Variants in IMPG1 observed in about 807,000 individuals in gnomAD.
IMPG1 encodes the protein interphotoreceptor matrix proteoglycan of 150 kDa.
A neutral mutation model predicts 92.0 loss-of-function variants in IMPG1; 85 were observed. The ratio of observed to expected loss-of-function variants is 0.92; its 90% CI spans 0.78 to 1.11. IMPG1 has a LOEUF of 1.11. Ranked by LOEUF, IMPG1 falls within the 50% of genes least tolerant of loss-of-function variation. The pLI, the probability that IMPG1 is intolerant of heterozygous loss-of-function variation, is 0.00. For synonymous variants in IMPG1, 367 were observed against 334.1 expected (o/e 1.10, Z -1.08); for missense variants, 1,022 against 956.0 (o/e 1.07, Z -0.91).
intron 14 of IMPG1, among the ~76,000 whole-genome samples, chr6:75,938,037 C>A (rs1781777051): frequency 6.6e-6 from 1 of 152,246 alleles, no homozygotes; most frequent in Non-Finnish European, 1.5e-5. Flanking sequence ...CAAGCTGTGA[C>A]TTACTCGGTT....
chr6:75,926,728 CA>C (rs60208319), intron 15 of IMPG1, among the ~76,000 whole-genome samples: 1 of 151,586 alleles, frequency 6.6e-6, no homozygotes, highest in Non-Finnish European at 1.5e-5. Context: ...CTGATTACAC[CA>C]AAAAAAGGAA....
In IMPG1 at chr6:75,950,538, G is replaced by A. The variant is rs368673168; in HGVS notation, c.1824+24C>T. ...AAAGAAAGAAGAGACAAAGAATTGG[G>A]AATTGTGAGCAGTGCCCACTCACCA... On this transcript the variant is annotated intron_variant, in intron 13 of 16. Transcript: ENST00000369950. The A allele has an allele frequency of 4.3e-5, 67 of 1,541,398 alleles. No individual in the cohort carries two copies. In the African/African-American group the frequency reaches 9.0e-4, roughly 21 times the overall value.
intron 7 of IMPG1, among the ~76,000 whole-genome samples, chr6:76,012,277 C>T: frequency 6.6e-6 from 1 of 152,166 alleles, no homozygotes; most frequent in Non-Finnish European, 1.5e-5. Flanking sequence ...ACTGTCTCTC[C>T]AGCTCTCTCT....
rs1395520328 is a variant in IMPG1, at chr6:76,002,989, G to A, written c.1220C>T (p.Thr407Ile). 3 of 1,612,526 alleles carry A rather than the reference G, an allele frequency of 1.9e-6. No individual in the cohort carries two copies. The Admixed American group carries it at 5.0e-5, about 27-fold the overall frequency. ...TSFAVITEDA[T>I]LSPELPPVEP... ...AACAGGAGGAAGTTCTGGACTCAAAGTAGCATCCTGAAGAATGAATTTTGC... is the reference window on the plus strand; with the variant it reads ...AACAGGAGGAAGTTCTGGACTCAAAATAGCATCCTGAAGAATGAATTTTGC... The change falls in exon 12 of 17, where the codon ACT becomes ATT. Residue 407 changes from threonine to isoleucine, a missense_variant. Around this residue, in one of 3 missense-constraint regions of IMPG1, gnomAD observed 681 missense variants for 583.6 expected, o/e 1.17. Coordinates refer to ENST00000369950, the MANE Select transcript of IMPG1 (RefSeq NM_001563.4).
intron 1 of IMPG1, among the ~76,000 whole-genome samples, chr6:76,046,351 G>A (rs1313617918): frequency 6.6e-6 from 1 of 151,948 alleles, no homozygotes; most frequent in Non-Finnish European, 1.5e-5. Context: ...TAAACACTAG[G>A]AAAACAACCT....
At chr6:75,969,755 C>T (rs1238210552) in intron 12 of IMPG1, among the ~76,000 whole-genome samples, 1 of 151,944 alleles carries the variant, frequency 6.6e-6, no homozygotes, top group Non-Finnish European at 1.5e-5. Context: ...AACAAACAAA[C>T]AAACAAACAG....
At chr6:76,055,993 T>A (rs1784114244) in intron 1 of IMPG1, among the ~76,000 whole-genome samples, 1 of 152,072 alleles carries the variant, frequency 6.6e-6, no homozygotes, top group Non-Finnish European at 1.5e-5. Flanking sequence ...TGTAATTCCA[T>A]TTTCCTACGA....
At chr6:75,934,403 C>T (rs569313687) in intron 14 of IMPG1, among the ~76,000 whole-genome samples, 2 of 152,304 alleles carry the variant, frequency 1.3e-5, no homozygotes, top group African/African-American at 4.8e-5. Flanking sequence ...GTATCAGTTT[C>T]TTCCCTGGAT....
At chr6:75,998,347 T>C (rs1261408207) in intron 12 of IMPG1, among the ~76,000 whole-genome samples, 2 of 152,242 alleles carry the variant, frequency 1.3e-5, no homozygotes. Flanking sequence ...GACAGACGGC[T>C]GTCCCTGACC....
chr6:75,963,310 T>C (rs1283888558), intron 12 of IMPG1, among the ~76,000 whole-genome samples: 2 of 152,058 alleles, frequency 1.3e-5, no homozygotes, highest in Admixed American at 6.6e-5. Context: ...GAAAAATAAA[T>C]GTCAGACAAA....
At chr6:76,027,325 A>G (rs1339159388) in intron 4 of IMPG1, among the ~76,000 whole-genome samples, 2 of 152,198 alleles carry the variant, frequency 1.3e-5, no homozygotes, top group Non-Finnish European at 2.9e-5. Context: ...GACATATGAA[A>G]TTAATTACAC....
intron 9 of IMPG1, among the ~76,000 whole-genome samples, chr6:76,006,378 A>G (rs1783097587): frequency 6.7e-6 from 1 of 148,346 alleles, no homozygotes; most frequent in Admixed American, 6.8e-5. Flanking sequence ...ATACACATAT[A>G]TGTAAAATAT....
intron 12 of IMPG1, among the ~76,000 whole-genome samples, chr6:75,974,343 C>CTT (rs1230594770): frequency 1.2e-5 from 1 of 86,166 alleles, no homozygotes; most frequent in African/African-American, 5.0e-5. Context: ...TTCTTTCTTT[C>CTT]TTTCTTTCTT....
chr6:75,943,397 G>A (rs1445790604), intron 14 of IMPG1, among the ~76,000 whole-genome samples: 2 of 152,108 alleles, frequency 1.3e-5, no homozygotes, highest in Non-Finnish European at 2.9e-5. Context: ...TACTCTGTGA[G>A]CTCCCACCAG....
At chr6:75,967,266 C>G (rs539333371) in intron 12 of IMPG1, among the ~76,000 whole-genome samples, 1 of 152,262 alleles carries the variant, frequency 6.6e-6, no homozygotes, top group East Asian at 1.9e-4. Context: ...TTGCTATGGT[C>G]TGAATGTTTG....
Position 75,950,652 on chromosome 6 carries a change from A to G in IMPG1, c.1734T>C (p.Ser578=). ...PKGRELVVFF[S]LRVANMAFSN... ...AGAAGGCCATGTTAGCAACACGCAG[A>G]CTGAAGAACACTACCAGCTCTCGGC... is the stretch of plus-strand genomic sequence containing the variant. Residue 578 remains serine, a synonymous_variant, in exon 13 of 17, where the codon AGT becomes AGC. Transcript: ENST00000369950. 1 of 1,613,954 alleles carries G rather than the reference A, an allele frequency of 6.2e-7. No individual in the cohort carries two copies. Among genetic ancestry groups the G allele is most frequent in the Non-Finnish European group, 8.5e-7 (1 of 1,179,888 alleles).
chr6:75,967,624 A>T (rs1381148759), intron 12 of IMPG1, among the ~76,000 whole-genome samples: 1 of 152,216 alleles, frequency 6.6e-6, no homozygotes, highest in Non-Finnish European at 1.5e-5. Flanking sequence ...GACACCCCTC[A>T]AGAAAGAAAA....
chr6:76,072,571 A>T lies in IMPG1; in HGVS notation c.-83T>A, dbSNP rs759523513. The T allele has an allele frequency of 1.3e-6, 1 of 774,314 alleles. No individual in the cohort carries two copies. The highest frequency in any genetic ancestry group is 1.8e-5 in the African/African-American group (1 of 55,814). The allele number at this position is 774,314 out of a possible 1,614,324, so 48.0% of individuals were successfully genotyped here. On this transcript the variant is annotated 5_prime_UTR_variant, in exon 1 of 17. Coordinates refer to ENST00000369950, the MANE Select transcript of IMPG1 (RefSeq NM_001563.4). ...TTAAAAAGTAACAGAAATGTGAAAA[A>T]TAATTATATATTGATACCAGATGAT...
At position 75,922,061 on chromosome 6, in the gene IMPG1, C is replaced by G. The variant is rs1166041042; in HGVS notation, c.*28G>C. ...GGCAAATCATCTCTCTTGAGATAGCCTAAATGATAATTGTACATTTTCAGT... is the reference window on the plus strand; with the variant it reads ...GGCAAATCATCTCTCTTGAGATAGCGTAAATGATAATTGTACATTTTCAGT... On this transcript the variant is annotated 3_prime_UTR_variant, in exon 17 of 17. Transcript: ENST00000369950. The G allele has an allele frequency of 1.0e-6, 1 of 994,408 alleles. No homozygotes were observed. The highest frequency in any genetic ancestry group is 2.0e-5 in the Admixed American group (1 of 50,330). 61.6% of individuals were successfully genotyped at this position (994,408 alleles called of 1,614,324 possible).
Sources: allele counts gnomAD v4.1 joint callset (sites outside exome capture counted in the v4.1 genomes callset), GRCh38; gene constraint gnomAD v4.1.1; regional missense constraint gnomAD v4.1.1; transcripts MANE v1.5; gene names NCBI Gene and HGNC (gene_info 2026-07-23, HGNC 2026-07-21).